PPP2CB: variants seen among roughly 807,000 people sequenced by gnomAD.
The protein encoded by PPP2CB is protein phosphatase 2 catalytic subunit beta.
Under a neutral mutation model 39.1 loss-of-function variants are expected in PPP2CB, and 18 were observed. The observed-to-expected ratio is 0.46, with a 90% CI of 0.32 to 0.68. The LOEUF (loss-of-function observed/expected upper bound fraction) is 0.68, where lower values mean the gene tolerates loss of function less well. Among genes scored for constraint, PPP2CB ranks in the 30% least tolerant of loss-of-function variants. PPP2CB has a pLI of 0.04. For synonymous variants in PPP2CB, 129 were observed against 133.8 expected, an observed-to-expected ratio of 0.96 and a Z score of 0.25; for missense variants, 226 against 396.9, an observed-to-expected ratio of 0.57 and a Z score of 3.66.
At chr8:30,787,970 T>C (rs1352058427) in intron 6 of PPP2CB, among the ~76,000 whole-genome samples, 1 of 152,238 alleles carries the variant, frequency 6.6e-6, no homozygotes, top group African/African-American at 2.4e-5. Flanking sequence ...TTACTGAATT[T>C]GCTGGCATAT....
chr8:30,787,669 A>G (rs1214306494), intron 6 of PPP2CB, among the ~76,000 whole-genome samples: 3 of 152,300 alleles, frequency 2.0e-5, no homozygotes, highest in African/African-American at 7.2e-5. Context: ...GGACTTCATC[A>G]ATGAAGCCAA....
At chr8:30,804,393 A>G (rs1806684083) in intron 1 of PPP2CB, among the ~76,000 whole-genome samples, 1 of 152,112 alleles carries the variant, frequency 6.6e-6, no homozygotes, top group Admixed American at 6.6e-5. Flanking sequence ...GGGGGCTCTG[A>G]CCTGCGGACC....
intron 5 of PPP2CB, among the ~76,000 whole-genome samples, chr8:30,792,619 C>CTT (rs770242496): frequency 6.1e-5 from 8 of 131,500 alleles, no homozygotes; most frequent in East Asian, 2.3e-4. Context: ...AACTTTTTGA[C>CTT]TTTTTTTTTT....
Position 30,812,429 on chromosome 8 carries a change from C to G in PPP2CB, c.-8G>C. Reference sequence around the variant, plus strand: ...GAACGCCTTGTCGTCCATGGCGGCCCGATCCCGATGCGGATCCCGAGCCCC... The same window carrying G: ...GAACGCCTTGTCGTCCATGGCGGCCGGATCCCGATGCGGATCCCGAGCCCC... On this transcript the variant is annotated 5_prime_UTR_variant, in exon 1 of 7. Coordinates refer to ENST00000221138, the MANE Select transcript of PPP2CB (RefSeq NM_001009552.2). 1.3e-6 allele frequency: 2 copies of G among 1,521,050 alleles called. No homozygotes were observed. The highest frequency in any genetic ancestry group is 1.2e-5 in the South Asian group (1 of 82,786). 94.2% of individuals were successfully genotyped at this position (1,521,050 alleles called of 1,614,324 possible).
chr8:30,792,848 CTT>C (rs1806460856), intron 5 of PPP2CB, among the ~76,000 whole-genome samples: 1 of 152,058 alleles, frequency 6.6e-6, no homozygotes, highest in Non-Finnish European at 1.5e-5. Flanking sequence ...ATTTTAGTCT[CTT>C]TCTTATAATC....
chr8:30,795,787 G>A (rs886974557), intron 3 of PPP2CB, among the ~76,000 whole-genome samples: 5 of 152,192 alleles, frequency 3.3e-5, no homozygotes, highest in African/African-American at 1.2e-4. Context: ...ACTATAGTAA[G>A]CTTCATTCAG....
In PPP2CB at chr8:30,786,150, T is replaced by G. The variant is rs1246176283; in HGVS notation, c.*85A>C. On this transcript the variant is annotated 3_prime_UTR_variant, in exon 7 of 7. Transcript: ENST00000221138. The stretch of plus-strand genomic sequence containing the variant: ...CAATTTGTTACAGAAACACATAGAT[T>G]ACTGTTGCTTTTTGTTTTTAAATAC... The G allele has an allele frequency of 8.1e-5, 94 of 1,163,708 alleles. 3 individuals are homozygous for G. In the South Asian group the frequency reaches 1.3e-3, roughly 16 times the overall value. The allele number at this position is 1,163,708 out of a possible 1,614,324, so 72.1% of individuals were successfully genotyped here. A position where few individuals can be genotyped will look rare whatever the true frequency, so the allele number is the denominator to read the frequency against.
intron 3 of PPP2CB, among the ~76,000 whole-genome samples, chr8:30,795,848 C>G (rs1806513777): frequency 6.6e-6 from 1 of 152,208 alleles, no homozygotes; most frequent in Non-Finnish European, 1.5e-5. Flanking sequence ...GATACACGAG[C>G]TCCTGCATAG....
chr8:30,807,841 C>A (rs931252227), intron 1 of PPP2CB, among the ~76,000 whole-genome samples: 1 of 152,212 alleles, frequency 6.6e-6, no homozygotes, highest in African/African-American at 2.4e-5. Flanking sequence ...GAGTCAAATT[C>A]ACAATTAGCT....
chr8:30,812,808 C>T lies in PPP2CB; in HGVS notation c.-387G>A. The T allele has an allele frequency of 2.2e-6, 1 of 460,528 alleles. No individual in the cohort carries two copies. The highest frequency in any genetic ancestry group is 3.2e-4 in the Middle Eastern group (1 of 3,100). The allele number at this position is 460,528 out of a possible 1,614,324, so 28.5% of individuals were successfully genotyped here. ...TACCGGCCTCTCCCGACTTGTCTTT[C>T]CCCTTCTCTCGCTCTTTCTCTCCCC... On this transcript the variant is annotated 5_prime_UTR_variant, in exon 1 of 7. Coordinates refer to ENST00000221138, the MANE Select transcript of PPP2CB (RefSeq NM_001009552.2).
At chr8:30,808,675 C>T (rs953381869) in intron 1 of PPP2CB, among the ~76,000 whole-genome samples, 4 of 152,134 alleles carry the variant, frequency 2.6e-5, no homozygotes, top group African/African-American at 9.7e-5. Context: ...AGATACTTCA[C>T]ACAACTGCTA....
chr8:30,809,678 C>T (rs1301581766), intron 1 of PPP2CB, among the ~76,000 whole-genome samples: 1 of 152,170 alleles, frequency 6.6e-6, no homozygotes, highest in Non-Finnish European at 1.5e-5. Context: ...TGGTGGCTCA[C>T]TCCCGCAATC....
chr8:30,791,434 T>C lies in PPP2CB; in HGVS notation c.739-119A>G, dbSNP rs1185344857. 17 of 714,826 alleles carry C rather than the reference T, an allele frequency of 2.4e-5. No homozygotes were observed. The Admixed American group carries it at 4.7e-4, about 20-fold the overall frequency. 44.3% of individuals were successfully genotyped at this position (714,826 alleles called of 1,614,324 possible). ...CTCTCTGTGGAAATGTAGTCGTCTA[T>C]ATTACTATATAAGGTCTCCATCTTT... On this transcript the variant is annotated intron_variant, in intron 5 of 6. Transcript: ENST00000221138.
chr8:30,792,633 T>TA (rs1563214544), intron 5 of PPP2CB, among the ~76,000 whole-genome samples: 4 of 150,606 alleles, frequency 2.7e-5, no homozygotes, highest in African/African-American at 9.8e-5. Context: ...TTTTTTTTTT[T>TA]TATATAGAGA....
At position 30,799,689 on chromosome 8, in the gene PPP2CB, C is replaced by T. The variant is rs1806588174; in HGVS notation, c.169G>A (p.Asp57Asn). 6.2e-7 allele frequency: 1 copy of T among 1,613,938 alleles called. No homozygotes were observed. Among genetic ancestry groups the T allele is most frequent in the Admixed American group, 1.7e-5 (1 of 59,984 alleles). The part of the protein sequence containing the change: ...EVRCPVTVCG[D>N]VHGQFHDLME... ...AGATCATGAAATTGACCATGCACAT[C>T]TCCACAGACAGTAACAGGGCAACGA... Residue 57 changes from aspartate to asparagine, a missense_variant, in exon 2 of 7, where the codon GAT becomes AAT. Around this residue, in one of 4 missense-constraint regions of PPP2CB, gnomAD observed 110 missense variants for 244.1 expected, o/e 0.45. Coordinates refer to ENST00000221138, the MANE Select transcript of PPP2CB (RefSeq NM_001009552.2).
At position 30,799,144 on chromosome 8, in the gene PPP2CB, G is replaced by A. The variant is rs532623545; in HGVS notation, c.312+402C>T. On this transcript the variant is annotated intron_variant, in intron 2 of 6. Transcript: ENST00000221138. ...GCCAGCGTATGCCAGGTGGATTTGGGGGGGATCAGATCTTGGAGGCAGAAA... is the reference window on the plus strand; with the variant it reads ...GCCAGCGTATGCCAGGTGGATTTGGAGGGGATCAGATCTTGGAGGCAGAAA... Among the ~76,000 whole-genome samples, 3 of 152,148 alleles carry A rather than the reference G, an allele frequency of 2.0e-5. No individual in the cohort carries two copies. The East Asian group carries it at 5.8e-4, about 29-fold the overall frequency.
At chr8:30,793,727 A>G in intron 5 of PPP2CB, 190 bp downstream of exon 5, 1 of 529,060 alleles carries the variant, frequency 1.9e-6, no homozygotes, top group South Asian at 6.5e-5. Context: ...CTAAGTCTCA[A>G]TTTCAAAAAT....
At chr8:30,806,513 T>C (rs1433709641) in intron 1 of PPP2CB, among the ~76,000 whole-genome samples, 2 of 152,160 alleles carry the variant, frequency 1.3e-5, no homozygotes, top group Non-Finnish European at 2.9e-5. Flanking sequence ...AGGAAATCAG[T>C]TCAAAACAAT....
At position 30,786,236 on chromosome 8, in the gene PPP2CB, T is replaced by C. The variant is rs760293359; in HGVS notation, c.929A>G (p.Ter310=). The C allele has an allele frequency of 6.4e-7, 1 of 1,564,236 alleles. No individual in the cohort carries two copies. The highest frequency in any genetic ancestry group is 8.7e-7 in the Non-Finnish European group (1 of 1,154,984). ...AAAGGCAGGTTTCCCAGGAGAAATT[T>C]ATAGGAAGTAGTCTGGGGTGCGCCG... is the stretch of plus-strand genomic sequence containing the variant. ...VTRRTPDYFL[*] is the part of the protein sequence containing the mutation. Residue 310 remains the stop codon, a stop_retained_variant, in exon 7 of 7, where the codon TAA becomes TGA. Transcript: ENST00000221138.
Sources: gnomAD v4.1 joint callset for allele counts (sites outside exome capture counted in the v4.1 genomes callset) on GRCh38, gnomAD v4.1.1 for gene constraint, gnomAD v4.1.1 regional missense constraint, MANE v1.5 for transcripts, NCBI Gene and HGNC (gene_info 2026-07-23, HGNC 2026-07-21) for gene names.